Variants in PDGFC observed in about 807,000 individuals in gnomAD.
PDGFC encodes the protein platelet-derived growth factor C.
In PDGFC, 12 loss-of-function variants were observed where a neutral mutation model predicts 35.5. The observed-to-expected ratio is 0.34, with a 90% CI of 0.22 to 0.55. The LOEUF (loss-of-function observed/expected upper bound fraction) is 0.55. Among genes scored for constraint, PDGFC ranks in the 20% least tolerant of loss-of-function variants. The probability of loss-of-function intolerance (pLI) is 0.91; values close to 1 mark genes in which losing one functional copy is unlikely to be tolerated. For missense variants in PDGFC, 322 were observed against 412.4 expected (o/e 0.78, Z 1.90); for synonymous variants, 159 against 148.8 (o/e 1.07, Z -0.50).
chr4:156,919,912 T>A (rs1199720701), intron 1 of PDGFC, among the ~76,000 whole-genome samples: 1 of 151,936 alleles, frequency 6.6e-6, no homozygotes, highest in Non-Finnish European at 1.5e-5. Flanking sequence ...GTGGGAGGGG[T>A]TTGGATCATG....
chr4:156,782,916 T>G (rs555794556), intron 3 of PDGFC, among the ~76,000 whole-genome samples: 1 of 152,266 alleles, frequency 6.6e-6, no homozygotes, highest in African/African-American at 2.4e-5. Context: ...ATATAGCCAT[T>G]GTGAGGTTCG....
At chr4:156,943,783 C>T (rs951308997) in intron 1 of PDGFC, among the ~76,000 whole-genome samples, 1 of 152,060 alleles carries the variant, frequency 6.6e-6, no homozygotes, top group Admixed American at 6.6e-5. Flanking sequence ...GAATTAAGTG[C>T]TCAGAAGGGT....
intron 1 of PDGFC, among the ~76,000 whole-genome samples, chr4:156,934,231 A>T (rs2110886615): frequency 6.6e-6 from 1 of 152,348 alleles, no homozygotes; most frequent in Non-Finnish European, 1.5e-5. Context: ...TTGCACACGT[A>T]GGCTACGTAG....
At chr4:156,874,875 C>T (rs1305740952) in intron 1 of PDGFC, among the ~76,000 whole-genome samples, 1 of 151,892 alleles carries the variant, frequency 6.6e-6, no homozygotes, top group Non-Finnish European at 1.5e-5. Flanking sequence ...CCTCATGATG[C>T]CCAGCTAATT....
At chr4:156,951,806 C>CCTAAA (rs1463367395) in intron 1 of PDGFC, among the ~76,000 whole-genome samples, 1 of 151,368 alleles carries the variant, frequency 6.6e-6, no homozygotes, top group Non-Finnish European at 1.5e-5. Flanking sequence ...TTAAGTCTTT[C>CCTAAA]CTAAACTCAC....
intron 2 of PDGFC, among the ~76,000 whole-genome samples, chr4:156,844,041 C>G (rs1406041689): frequency 2.0e-5 from 3 of 152,148 alleles, no homozygotes; most frequent in Admixed American, 6.5e-5. Context: ...AGTCCCCACA[C>G]TGAAAAATTC....
chr4:156,861,599 G>T (rs62331502), intron 1 of PDGFC: 1 of 374,146 alleles, frequency 2.7e-6, no homozygotes, highest in Non-Finnish European at 5.3e-6. Flanking sequence ...AAATTTGAAG[G>T]ATTGGAAAGA....
At chr4:156,866,202 C>T (rs1244862480) in intron 1 of PDGFC, among the ~76,000 whole-genome samples, 1 of 152,174 alleles carries the variant, frequency 6.6e-6, no homozygotes, top group African/African-American at 2.4e-5. Flanking sequence ...TGAGAACATG[C>T]AGTGTTTGGT....
At chr4:156,953,129 T>C (rs1474289394) in intron 1 of PDGFC, among the ~76,000 whole-genome samples, 1 of 151,974 alleles carries the variant, frequency 6.6e-6, no homozygotes, top group Non-Finnish European at 1.5e-5. Context: ...AGGATTTACA[T>C]AGTCAAGCTT....
At chr4:156,867,839 A>C (rs1035964607) in intron 1 of PDGFC, among the ~76,000 whole-genome samples, 1 of 152,204 alleles carries the variant, frequency 6.6e-6, no homozygotes, top group Non-Finnish European at 1.5e-5. Context: ...AAAAGAAAAA[A>C]TGTGGAAGTT....
At chr4:156,894,635 C>A (rs931647335) in intron 1 of PDGFC, among the ~76,000 whole-genome samples, 4 of 152,104 alleles carry the variant, frequency 2.6e-5, no homozygotes, top group African/African-American at 9.7e-5. Flanking sequence ...GCAGACAGCA[C>A]AACAGGAAAT....
chr4:156,901,758 G>C (rs985944330), intron 1 of PDGFC, among the ~76,000 whole-genome samples: 3 of 152,064 alleles, frequency 2.0e-5, no homozygotes, highest in African/African-American at 7.2e-5. Context: ...GAGGAGCTCG[G>C]TGTACCACCA....
intron 1 of PDGFC, among the ~76,000 whole-genome samples, chr4:156,893,287 A>G (rs945338885): frequency 6.6e-6 from 1 of 152,038 alleles, no homozygotes; most frequent in African/African-American, 2.4e-5. Flanking sequence ...CAGGTGATCT[A>G]TGGTAAGACA....
At chr4:156,904,397 C>T (rs1730865060) in intron 1 of PDGFC, among the ~76,000 whole-genome samples, 1 of 152,084 alleles carries the variant, frequency 6.6e-6, no homozygotes, top group African/African-American at 2.4e-5. Context: ...TAAATACACT[C>T]TAAAACCATC....
At chr4:156,950,142 G>A (rs1190001688) in intron 1 of PDGFC, among the ~76,000 whole-genome samples, 1 of 151,836 alleles carries the variant, frequency 6.6e-6, no homozygotes, top group East Asian at 1.9e-4. Context: ...AGACAAGTAA[G>A]AATAAACAGA....
intron 3 of PDGFC, among the ~76,000 whole-genome samples, chr4:156,784,227 A>G (rs1731057948): frequency 6.6e-6 from 1 of 152,188 alleles, no homozygotes; most frequent in African/African-American, 2.4e-5. Flanking sequence ...AAGACAGGAA[A>G]ATGGGATTTC....
chr4:156,845,066 AAC>A (rs1729292574), intron 2 of PDGFC, among the ~76,000 whole-genome samples: 2 of 151,924 alleles, frequency 1.3e-5, no homozygotes, highest in Admixed American at 6.6e-5. Flanking sequence ...CTTTATTCAA[AAC>A]ACAACTTAGA....
intron 1 of PDGFC, among the ~76,000 whole-genome samples, chr4:156,934,986 T>TTTTTG (rs1205471435): frequency 6.6e-6 from 1 of 152,072 alleles, no homozygotes; most frequent in East Asian, 1.9e-4. Flanking sequence ...AGTTAACGTT[T>TTTTTG]TTTTGTTTTG....
chr4:156,824,452 T>G (rs1163947994), intron 2 of PDGFC, among the ~76,000 whole-genome samples: 1 of 150,978 alleles, frequency 6.6e-6, no homozygotes, highest in Non-Finnish European at 1.5e-5. Context: ...TAATTAACAC[T>G]CCCTTCACTG....
Sources: allele counts gnomAD v4.1 joint callset (sites outside exome capture counted in the v4.1 genomes callset), GRCh38; gene constraint gnomAD v4.1.1; transcripts MANE v1.5; gene names NCBI Gene and HGNC (gene_info 2026-07-23, HGNC 2026-07-21).